Variants in GOLGA8B observed in about 807,000 individuals in gnomAD.
GOLGA8B encodes the protein golgin subfamily A member 8B.
GOLGA8B carries 1 observed loss-of-function variant against 15.6 expected under a neutral mutation model. The ratio of observed to expected loss-of-function variants is 0.06; its 90% CI spans 0.02 to 0.30. The LOEUF (loss-of-function observed/expected upper bound fraction) is 0.30, where lower values mean the gene tolerates loss of function less well. Ranked by LOEUF, GOLGA8B falls within the 10% of genes least tolerant of loss-of-function variation. GOLGA8B has a pLI of 1.00. For missense variants in GOLGA8B, 17 were observed against 201.3 expected (o/e 0.08, Z 5.54); for synonymous variants, 9 against 80.3 (o/e 0.11, Z 4.75).
rs187701248 is a variant in GOLGA8B at position 34,579,203 on chromosome 15, C to T, written c.-1123+4313G>A. ...GAGCTCCTGTTACTCCAAATCCCAT[C>T]CTCTTTTCTGACCTCCCAGTCCCTT... On this transcript the variant is annotated intron_variant, in intron 1 of 23. Transcript: ENST00000683415. Among the ~76,000 whole-genome samples the T allele has an allele frequency of 4.6e-3, 695 of 152,072 alleles. 19 individuals carry two copies. Among genetic ancestry groups the T allele is most frequent in the Admixed American group, 0.037 (572 of 15,272 alleles).
chr15:34,573,373 CT>C (rs745564860), intron 1 of GOLGA8B, among the ~76,000 whole-genome samples: 40 of 151,788 alleles, frequency 2.6e-4, no homozygotes, highest in Non-Finnish European at 4.3e-4. Context: ...CTCGTCTGTA[CT>C]AAAAATACAA....
At position 34,567,830 on chromosome 15, in the gene GOLGA8B, A is replaced by C. The variant is rs144396581; in HGVS notation, c.-1122-13874T>G. 3.2e-4 allele frequency among the ~76,000 whole-genome samples: 48 copies of C among 151,936 alleles called. No individual in the cohort carries two copies. The East Asian group carries it at 9.1e-3, about 29-fold the overall frequency. On this transcript the variant is annotated intron_variant, in intron 1 of 23. Transcript: ENST00000683415. The stretch of plus-strand genomic sequence containing the variant: ...TCAAGAAGGCTGCATGGGTTGAGGC[A>C]CTGGACTTCTCATCATGCCATCTCT...
chr15:34,582,652 C>G (rs74196431), intron 1 of GOLGA8B: 18,560 of 152,372 alleles, frequency 0.12, 1,741 homozygotes, highest in Admixed American at 0.27. Flanking sequence ...CTGCTCTCCA[C>G]TGGGGTACCG....
intron 4 of GOLGA8B, among the ~76,000 whole-genome samples, chr15:34,548,079 T>C (rs1354370183): frequency 6.6e-6 from 1 of 152,150 alleles, no homozygotes; most frequent in South Asian, 2.1e-4. Flanking sequence ...GTGGAGTATA[T>C]ATCCACAAGA....
Position 34,526,768 on chromosome 15 carries a change from C to A in GOLGA8B, c.*864G>T, listed in dbSNP as rs1363621572. 6.7e-6 allele frequency: 1 copy of A among 149,458 alleles called. No homozygotes were observed. Among genetic ancestry groups the A allele is most frequent in the Non-Finnish European group, 1.5e-5 (1 of 67,298 alleles). The allele number at this position is 149,458 out of a possible 1,614,324, so 9.3% of individuals were successfully genotyped here. On this transcript the variant is annotated 3_prime_UTR_variant, in exon 24 of 24. Coordinates refer to ENST00000683415, the MANE Select transcript of GOLGA8B (RefSeq NM_001023567.5). ...GCTCTAAGCTAGGAAAGGTTTTCCA[C>A]ATCCACAGCCAACGATGGCAGCCTT...
chr15:34,568,979 A>G (rs1191804804), intron 1 of GOLGA8B, among the ~76,000 whole-genome samples: 1 of 149,716 alleles, frequency 6.7e-6, no homozygotes, highest in Non-Finnish European at 1.5e-5. Context: ...TCTCATGCTG[A>G]TTCTGCAGGC....
rs1894424973 is a variant in GOLGA8B, at chr15:34,525,613, AAACCCACGGGCT to A, written c.*2007_*2018del. 2 of 149,940 alleles carry A rather than the reference AAACCCACGGGCT, an allele frequency of 1.3e-5. No homozygotes were observed. Among genetic ancestry groups the A allele is most frequent in the South Asian group, 4.3e-4 (2 of 4,674 alleles). The allele number at this position is 149,940 out of a possible 1,614,324, so 9.3% of individuals were successfully genotyped here. ...AAATGACTCTTTAGGATACAGTTTT[AAACCCACGGGCT>A]AGAAATCATACCACTATTAGCCACA... On this transcript the variant is annotated 3_prime_UTR_variant, in exon 24 of 24. Transcript: ENST00000683415.
chr15:34,579,615 G>A (rs1188652167), intron 1 of GOLGA8B, among the ~76,000 whole-genome samples: 3 of 152,202 alleles, frequency 2.0e-5, no homozygotes, highest in Non-Finnish European at 4.4e-5. Flanking sequence ...AACTGACGTT[G>A]CACAGTACAA....
intron 1 of GOLGA8B, among the ~76,000 whole-genome samples, chr15:34,582,547 C>T (rs72726741): frequency 1.3e-5 from 2 of 152,252 alleles, no homozygotes; most frequent in East Asian, 1.9e-4. Context: ...CACAGATTTA[C>T]GTCTGGTGCC....
At chr15:34,579,709 C>G (rs1889178338) in intron 1 of GOLGA8B, among the ~76,000 whole-genome samples, 1 of 152,144 alleles carries the variant, frequency 6.6e-6, no homozygotes, top group Non-Finnish European at 1.5e-5. Flanking sequence ...CAGCTGGGTT[C>G]CAGCTCTGGG....
chr15:34,568,905 C>T (rs1451724006), intron 1 of GOLGA8B, among the ~76,000 whole-genome samples: 2 of 144,572 alleles, frequency 1.4e-5, no homozygotes, highest in East Asian at 2.0e-4. Flanking sequence ...GCCATGCCTG[C>T]TACTTGGCCT....
chr15:34,528,580 CA>C (rs1379619547), intron 20 of GOLGA8B, 26 bp downstream of exon 20: 3 of 17,264 alleles, frequency 1.7e-4, no homozygotes, highest in Admixed American at 1.3e-3. Flanking sequence ...TGACTTCCTG[CA>C]GGGCCCGGAG....
rs1301360832 is a variant in GOLGA8B, at chr15:34,527,311, A to T, written c.*321T>A. The stretch of plus-strand genomic sequence containing the variant: ...GAGCCTATTCCAAACCAGCGAGAAC[A>T]GTTTTGTGCAAAGAGTGGGTCTTTG... On this transcript the variant is annotated 3_prime_UTR_variant, in exon 24 of 24. Coordinates refer to ENST00000683415, the MANE Select transcript of GOLGA8B (RefSeq NM_001023567.5). The T allele has an allele frequency of 2.6e-6, 1 of 384,516 alleles. No homozygotes were observed. The highest frequency in any genetic ancestry group is 4.8e-6 in the Non-Finnish European group (1 of 207,884). The allele number at this position is 384,516 out of a possible 1,614,324, so 23.8% of individuals were successfully genotyped here. A position where few individuals can be genotyped will look rare whatever the true frequency, so the allele number is the denominator to read the frequency against.
At chr15:34,551,993 T>C (rs976529203) in intron 3 of GOLGA8B, among the ~76,000 whole-genome samples, 3 of 103,316 alleles carry the variant, frequency 2.9e-5, no homozygotes, top group African/African-American at 1.4e-4. Context: ...CCTGGGAGGT[T>C]GTGGTCTGCA....
intron 1 of GOLGA8B, among the ~76,000 whole-genome samples, chr15:34,578,730 A>G (rs1889148627): frequency 6.6e-6 from 1 of 152,240 alleles, no homozygotes; most frequent in Admixed American, 6.5e-5. Context: ...TGGTTTCGCC[A>G]TGAAAACCAT....
chr15:34,572,934 C>T (rs1177943421), intron 1 of GOLGA8B, among the ~76,000 whole-genome samples: 2 of 152,072 alleles, frequency 1.3e-5, no homozygotes, highest in Non-Finnish European at 1.5e-5. Context: ...AAGATAATTG[C>T]GAGAAGGCAA....
At chr15:34,572,350 G>A (rs1258354255) in intron 1 of GOLGA8B, among the ~76,000 whole-genome samples, 1 of 152,170 alleles carries the variant, frequency 6.6e-6, no homozygotes, top group Non-Finnish European at 1.5e-5. Context: ...CAGATGCAAG[G>A]GTTTAATGTA....
At chr15:34,578,796 C>T (rs570586250) in intron 1 of GOLGA8B, among the ~76,000 whole-genome samples, 11 of 152,258 alleles carry the variant, frequency 7.2e-5, no homozygotes, top group Admixed American at 3.9e-4. Context: ...AATATTTCCA[C>T]AGTCACTCAA....
intron 1 of GOLGA8B, among the ~76,000 whole-genome samples, chr15:34,563,967 A>C (rs1477137456): frequency 1.5e-5 from 2 of 136,726 alleles, no homozygotes; most frequent in East Asian, 4.0e-4. Flanking sequence ...AATGGTATGC[A>C]GGGCTGACTT....
Sources: allele counts gnomAD v4.1 joint callset (sites outside exome capture counted in the v4.1 genomes callset), GRCh38; gene constraint gnomAD v4.1.1; transcripts MANE v1.5; gene names NCBI Gene and HGNC (gene_info 2026-07-23, HGNC 2026-07-21).